Variants in GNAO1 observed in about 807,000 individuals in gnomAD.
GNAO1 encodes the protein guanine nucleotide-binding protein G(o) subunit alpha.
For missense variants in GNAO1, 166 were observed against 478.7 expected, an observed-to-expected ratio of 0.35 and a Z score of 6.10; for synonymous variants, 164 against 180.7, an observed-to-expected ratio of 0.91 and a Z score of 0.74.
chr16:56,242,397 T>A (rs2036701796), intron 2 of GNAO1, among the ~76,000 whole-genome samples: 1 of 152,196 alleles, frequency 6.6e-6, no homozygotes, highest in South Asian at 2.1e-4. Context: ...AAGGTAGGAC[T>A]CACACCTCCC....
At chr16:56,319,643 C>G (rs2143627366) in intron 3 of GNAO1, among the ~76,000 whole-genome samples, 1 of 152,298 alleles carries the variant, frequency 6.6e-6, no homozygotes, top group African/African-American at 2.4e-5. Flanking sequence ...AGCACATGTC[C>G]TCGTGGCAGG....
At chr16:56,348,021 C>T in intron 6 of GNAO1, 2 of 981,404 alleles carry the variant, frequency 2.0e-6, no homozygotes, top group Non-Finnish European at 2.4e-6. Flanking sequence ...AGCCGTCTCT[C>T]TCGAGTGCAG....
chr16:56,238,272 G>A (rs1183093455), intron 2 of GNAO1, among the ~76,000 whole-genome samples: 2 of 152,196 alleles, frequency 1.3e-5, no homozygotes, highest in African/African-American at 4.8e-5. Context: ...TGGCATTGGA[G>A]CAAGGTTGGC....
At chr16:56,242,664 T>C (rs2036705390) in intron 2 of GNAO1, among the ~76,000 whole-genome samples, 1 of 152,112 alleles carries the variant, frequency 6.6e-6, no homozygotes, top group Admixed American at 6.6e-5. Context: ...TATACAAAAA[T>C]TAATTCAAAA....
intron 3 of GNAO1, among the ~76,000 whole-genome samples, chr16:56,279,558 C>A (rs1596838773): frequency 6.6e-6 from 1 of 152,182 alleles, no homozygotes; most frequent in African/African-American, 2.4e-5. Flanking sequence ...TGGAACTGCC[C>A]CACTCAGTAA....
At chr16:56,327,657 A>G (rs1473319936) in intron 3 of GNAO1, among the ~76,000 whole-genome samples, 1 of 152,184 alleles carries the variant, frequency 6.6e-6, no homozygotes, top group Non-Finnish European at 1.5e-5. Context: ...GTAGTCTTTG[A>G]AAAGGCGACC....
rs139784151 is a variant in GNAO1, at chr16:56,299,246, G to A, written c.303+23174G>A. Reference sequence around the variant, plus strand: ...TCACTCTCCAGATGAAGCCCTCAGCGCTGGGTTAGCTAGCCTTCCTGGGGC... The same window carrying A: ...TCACTCTCCAGATGAAGCCCTCAGCACTGGGTTAGCTAGCCTTCCTGGGGC... On this transcript the variant is annotated intron_variant, in intron 3 of 8. Coordinates refer to ENST00000262493, the MANE Select transcript of GNAO1 (RefSeq NM_020988.3). Among the ~76,000 whole-genome samples the A allele has an allele frequency of 6.4e-3, 976 of 152,320 alleles. 17 individuals carry two copies. The highest frequency in any genetic ancestry group is 0.022 in the African/African-American group (933 of 41,572).
rs117436667 is a variant in GNAO1 at position 56,346,612 on chromosome 16, A to G, written c.724-4772A>G. 2.8e-3 allele frequency: 2,724 copies of G among 985,402 alleles called. 124 individuals are homozygous for G. The South Asian group carries it at 0.096, about 35-fold the overall frequency. 61.0% of individuals were successfully genotyped at this position (985,402 alleles called of 1,614,324 possible). A position where few individuals can be genotyped will look rare whatever the true frequency, so the allele number is the denominator to read the frequency against. On this transcript the variant is annotated intron_variant, in intron 6 of 8. Transcript: ENST00000262493. ...GGGGTCTGCCCAGCCCCAAGCAGAG[A>G]GCACAGTCTGGGCCCCTGACCAACA...
chr16:56,351,724 C>T lies in GNAO1; in HGVS notation c.877+187C>T, dbSNP rs1450810131. The stretch of plus-strand genomic sequence containing the variant: ...GGTTTGGGCTTCCCAGGACACAGCC[C>T]TCAGCGTGGTGGAAATGGCCCCTCC... On this transcript the variant is annotated intron_variant, in intron 7 of 8. Transcript: ENST00000262493. The surrounding 1 kb of genome is among the most constrained non-coding windows in gnomAD (Gnocchi z 6.1). 6.6e-6 allele frequency among the ~76,000 whole-genome samples: 1 copy of T among 152,214 alleles called. No individual in the cohort carries two copies. The highest frequency in any genetic ancestry group is 1.5e-5 in the Non-Finnish European group (1 of 68,038).
rs911245081 is a variant in GNAO1 at position 56,357,110 on chromosome 16, C to T, written c.*1036C>T. ...TGGAATGTAGTGTTTACATTAAAGC[C>T]GCCGTTTTCATGACCAATCCTATGT... On this transcript the variant is annotated 3_prime_UTR_variant, in exon 9 of 9. Coordinates refer to ENST00000262493, the MANE Select transcript of GNAO1 (RefSeq NM_020988.3). 1 of 152,182 alleles carries T rather than the reference C, an allele frequency of 6.6e-6. No homozygotes were observed. The highest frequency in any genetic ancestry group is 1.5e-5 in the Non-Finnish European group (1 of 67,960). 9.4% of individuals were successfully genotyped at this position (152,182 alleles called of 1,614,324 possible). A position where few individuals can be genotyped will look rare whatever the true frequency, so the allele number is the denominator to read the frequency against.
At chr16:56,316,451 T>C (rs2037510587) in intron 3 of GNAO1, among the ~76,000 whole-genome samples, 1 of 152,188 alleles carries the variant, frequency 6.6e-6, no homozygotes, top group African/African-American at 2.4e-5. Flanking sequence ...GTGGCTGTCC[T>C]AAGTTTAACC....
At chr16:56,330,660 G>A (rs2037680138) in intron 4 of GNAO1, among the ~76,000 whole-genome samples, 1 of 152,184 alleles carries the variant, frequency 6.6e-6, no homozygotes, top group Non-Finnish European at 1.5e-5. Context: ...AATCGAGGGA[G>A]CTCAGCTCAC....
chr16:56,241,701 G>A (rs1329125193), intron 2 of GNAO1, among the ~76,000 whole-genome samples: 1 of 152,188 alleles, frequency 6.6e-6, no homozygotes, highest in African/African-American at 2.4e-5. Context: ...AAATCATGAG[G>A]GTAATGGAGT....
rs529264646 is a variant in GNAO1, at chr16:56,273,963, C to T, written c.162-1968C>T. On this transcript the variant is annotated intron_variant, in intron 2 of 8. Coordinates refer to ENST00000262493, the MANE Select transcript of GNAO1 (RefSeq NM_020988.3). The stretch of plus-strand genomic sequence containing the variant: ...ACCAGCTGTGGAATCTTACCCTATC[C>T]AGCCACAGACTCCAAGGAGACCCCT... 5.9e-5 allele frequency among the ~76,000 whole-genome samples: 9 copies of T among 152,334 alleles called. No homozygotes were observed. The South Asian group carries it at 1.9e-3, about 32-fold the overall frequency.
chr16:56,348,998 TAC>T (rs2143695810), intron 6 of GNAO1, among the ~76,000 whole-genome samples: 1 of 152,320 alleles, frequency 6.6e-6, no homozygotes, highest in Admixed American at 6.5e-5. Context: ...TGGTCATTCT[TAC>T]ATCCTCGGGG....
chr16:56,282,505 C>T (rs1177180200), intron 3 of GNAO1, among the ~76,000 whole-genome samples: 1 of 152,174 alleles, frequency 6.6e-6, no homozygotes, highest in Non-Finnish European at 1.5e-5. Flanking sequence ...ACTGGCCACC[C>T]AAGGTCATAT....
intron 6 of GNAO1, chr16:56,343,686 G>T: frequency 8.3e-7 from 1 of 1,212,024 alleles, no homozygotes. Context: ...TGGCCACACA[G>T]GCCAGGCTGG....
chr16:56,310,263 C>T (rs1471162129), intron 3 of GNAO1, among the ~76,000 whole-genome samples: 2 of 152,072 alleles, frequency 1.3e-5, no homozygotes, highest in African/African-American at 2.4e-5. Flanking sequence ...CTGGGGGGTT[C>T]GAGGTTGCAG....
At chr16:56,200,531 A>G (rs1238521691) in intron 2 of GNAO1, among the ~76,000 whole-genome samples, 2 of 152,238 alleles carry the variant, frequency 1.3e-5, no homozygotes, top group Non-Finnish European at 2.9e-5. Flanking sequence ...TCAAAGAAGT[A>G]AGGTGGCTTG....
Sources: allele counts gnomAD v4.1 joint callset (sites outside exome capture counted in the v4.1 genomes callset), GRCh38; gene constraint gnomAD v4.1.1; non-coding constraint Gnocchi (gnomAD v3.1); transcripts MANE v1.5; gene names NCBI Gene and HGNC (gene_info 2026-07-23, HGNC 2026-07-21).